Variants in SNX24 observed in about 807,000 individuals in gnomAD.
SNX24 encodes the protein sorting nexin 24, also known as sorting nexin-24.
A neutral mutation model predicts 28.7 loss-of-function variants in SNX24; 22 were observed. That is an observed-to-expected ratio of 0.77 (90% CI 0.55 to 1.10). The LOEUF is 1.10. Among genes scored for constraint, SNX24 ranks in the 50% least tolerant of loss-of-function variants. SNX24 has a pLI of 0.00. For missense variants in SNX24, 221 were observed against 201.1 expected, an observed-to-expected ratio of 1.10 and a Z score of -0.60; for synonymous variants, 69 against 71.5, an observed-to-expected ratio of 0.96 and a Z score of 0.18.
At chr5:122,945,918 A>G (rs1044649407) in intron 2 of SNX24, 137 bp from the exon 3 acceptor site, 2 of 506,752 alleles carry the variant, frequency 3.9e-6, no homozygotes, top group South Asian at 3.4e-5. Context: ...GTGTAATTAT[A>G]TTTTCCTCTA....
intron 3 of SNX24, among the ~76,000 whole-genome samples, chr5:122,980,221 C>T (rs1302199154): frequency 6.6e-6 from 1 of 151,846 alleles, no homozygotes; most frequent in Non-Finnish European, 1.5e-5. Context: ...ATATAAGTAA[C>T]AAAAAATTTA....
intron 3 of SNX24, among the ~76,000 whole-genome samples, chr5:122,952,100 CAT>C (rs1357139935): frequency 1.3e-5 from 2 of 152,102 alleles, no homozygotes; most frequent in Non-Finnish European, 2.9e-5. Flanking sequence ...ATATAAGAAA[CAT>C]AAAGAATTTC....
intron 6 of SNX24, among the ~76,000 whole-genome samples, chr5:123,003,376 T>G (rs1303505739): frequency 6.6e-6 from 1 of 152,232 alleles, no homozygotes; most frequent in Non-Finnish European, 1.5e-5. Context: ...GTTTAACAAA[T>G]ATACATGTTA....
At position 122,966,052 on chromosome 5, in the gene SNX24, G is replaced by T. The variant is rs141643062; in HGVS notation, c.249+19893G>T. Reference sequence around the variant, plus strand: ...AAAGGAAAATTGATTAAATGTTATCGTATTTCCTATGATTTTTAGTGCCAA... The same window carrying T: ...AAAGGAAAATTGATTAAATGTTATCTTATTTCCTATGATTTTTAGTGCCAA... On this transcript the variant is annotated intron_variant, in intron 3 of 6. Transcript: ENST00000261369. Among the ~76,000 whole-genome samples, 99 of 152,190 alleles carry T rather than the reference G, an allele frequency of 6.5e-4. No individual in the cohort carries two copies. In the South Asian group the frequency reaches 0.01, roughly 16 times the overall value.
At chr5:122,878,912 G>A (rs1276969422) in intron 1 of SNX24, among the ~76,000 whole-genome samples, 5 of 150,552 alleles carry the variant, frequency 3.3e-5, no homozygotes, top group Admixed American at 6.6e-5. Flanking sequence ...GGAGGTCAAG[G>A]CTGCAATGAA....
At chr5:122,870,720 G>A (rs1379886704) in intron 1 of SNX24, among the ~76,000 whole-genome samples, 2 of 152,204 alleles carry the variant, frequency 1.3e-5, no homozygotes, top group South Asian at 2.1e-4. Context: ...GGGCATGCAC[G>A]TGTGCAGGGA....
At chr5:122,953,515 C>T (rs1160095719) in intron 3 of SNX24, among the ~76,000 whole-genome samples, 2 of 111,826 alleles carry the variant, frequency 1.8e-5, no homozygotes, top group East Asian at 6.3e-4. Context: ...AGACAAGATC[C>T]ATAATCTTCC....
At chr5:122,901,101 T>C (rs1181038188) in intron 1 of SNX24, among the ~76,000 whole-genome samples, 1 of 151,198 alleles carries the variant, frequency 6.6e-6, no homozygotes, top group Non-Finnish European at 1.5e-5. Context: ...CTCAGGAGGT[T>C]GAGGTAGTAG....
intron 1 of SNX24, among the ~76,000 whole-genome samples, chr5:122,864,366 A>G (rs935854936): frequency 6.6e-6 from 1 of 152,200 alleles, no homozygotes; most frequent in African/African-American, 2.4e-5. Context: ...TTAGCCTGAA[A>G]AAAGGGAAGA....
At chr5:122,865,458 G>T (rs540959614) in intron 1 of SNX24, among the ~76,000 whole-genome samples, 1 of 152,328 alleles carries the variant, frequency 6.6e-6, no homozygotes, top group South Asian at 2.1e-4. Context: ...AGCCTCCTGA[G>T]TAGCTGGGAT....
chr5:123,019,364 C>T (rs1356205277), intron 5 of SNX24, among the ~76,000 whole-genome samples: 2 of 150,838 alleles, frequency 1.3e-5, no homozygotes, highest in African/African-American at 4.9e-5. Flanking sequence ...CTTCAGCTCT[C>T]TGGATTATAG....
At chr5:122,983,193 G>GT (rs1761460881) in intron 3 of SNX24, 1 of 107,462 alleles carries the variant, frequency 9.3e-6, no homozygotes. Context: ...AGATTTTTCA[G>GT]CCTTTTTTTT....
At chr5:122,885,069 A>AT (rs1360578614) in intron 1 of SNX24, among the ~76,000 whole-genome samples, 1 of 152,198 alleles carries the variant, frequency 6.6e-6, no homozygotes, top group Admixed American at 6.5e-5. Flanking sequence ...AAATCTTGTT[A>AT]TTTTAAAAGC....
chr5:123,023,411 C>G (rs1004994190), intron 5 of SNX24: 2 of 152,262 alleles, frequency 1.3e-5, no homozygotes, highest in Admixed American at 6.5e-5. Flanking sequence ...ATATAAAGAA[C>G]AGCAAAGCAC....
intron 5 of SNX24, chr5:123,023,615 G>A: frequency 3.3e-6 from 1 of 300,426 alleles, no homozygotes. Context: ...CCAATTCAAA[G>A]TTTTTTTTAG....
intron 1 of SNX24, among the ~76,000 whole-genome samples, chr5:122,854,280 G>GA: frequency 6.6e-6 from 1 of 151,990 alleles, no homozygotes; most frequent in African/African-American, 2.4e-5. Context: ...AGGCTGAGGC[G>GA]GGTGGATCAC....
At chr5:122,883,327 G>C (rs1756561625) in intron 1 of SNX24, among the ~76,000 whole-genome samples, 1 of 152,014 alleles carries the variant, frequency 6.6e-6, no homozygotes, top group Non-Finnish European at 1.5e-5. Context: ...TTATATTTCT[G>C]CATATTTAAG....
intron 5 of SNX24, among the ~76,000 whole-genome samples, chr5:123,026,169 A>G (rs1166287069): frequency 6.6e-6 from 1 of 152,322 alleles, no homozygotes; most frequent in Non-Finnish European, 1.5e-5. Context: ...CCTAAAATGA[A>G]CAAAGAAAGC....
At chr5:122,921,978 T>C (rs1187894882) in intron 1 of SNX24, among the ~76,000 whole-genome samples, 1 of 152,182 alleles carries the variant, frequency 6.6e-6, no homozygotes, top group Non-Finnish European at 1.5e-5. Flanking sequence ...TGGAATGTCC[T>C]TTTTCTCTCT....
Sources: gnomAD v4.1 joint callset for allele counts (sites outside exome capture counted in the v4.1 genomes callset) on GRCh38, gnomAD v4.1.1 for gene constraint, MANE v1.5 for transcripts, NCBI Gene and HGNC (gene_info 2026-07-23, HGNC 2026-07-21) for gene names.